UGT1A4: variants seen among roughly 807,000 people sequenced by gnomAD.
UGT1A4 encodes the protein UDP glucuronosyltransferase family 1 member A4.
Under a neutral mutation model 41.1 loss-of-function variants are expected in UGT1A4, and 32 were observed. The observed-to-expected ratio is 0.78, with a 90% CI of 0.59 to 1.05. The LOEUF is 1.05. Ranked by LOEUF, UGT1A4 falls within the 50% of genes least tolerant of loss-of-function variation. The pLI, the probability that UGT1A4 is intolerant of heterozygous loss-of-function variation, is 0.00. For synonymous variants in UGT1A4, 283 were observed against 265.1 expected (o/e 1.07, Z -0.66); for missense variants, 748 against 677.4 (o/e 1.10, Z -1.16).
chr2:233,772,831 T>TCACACAAGAAAG lies in UGT1A4; in HGVS notation c.*273_*274insACACAAGAAAGC. 2 of 893,952 alleles carry TCACACAAGAAAG rather than the reference T, an allele frequency of 2.2e-6. No individual in the cohort carries two copies. Among genetic ancestry groups the TCACACAAGAAAG allele is most frequent in the Non-Finnish European group, 3.1e-6 (2 of 642,656 alleles). 55.4% of individuals were successfully genotyped at this position (893,952 alleles called of 1,614,324 possible). A position where few individuals can be genotyped will look rare whatever the true frequency, so the allele number is the denominator to read the frequency against. On this transcript the variant is annotated 3_prime_UTR_variant, in exon 5 of 5. Transcript: ENST00000373409. ...AGAGGACGTGCAGACAGGCTGGCAT[T>TCACACAAGAAAG]CTAGATTACTTTTCTTACTCTGAAA...
At chr2:233,729,480 C>G in intron 1 of UGT1A4, 1 of 1,614,164 alleles carries the variant, frequency 6.2e-7, no homozygotes, top group South Asian at 1.1e-5. Context: ...CAATGTTGAA[C>G]AATATGTCTT....
At chr2:233,747,891 C>G (rs562741642) in intron 1 of UGT1A4, 201 of 1,612,980 alleles carry the variant, frequency 1.2e-4, no homozygotes, top group East Asian at 4.9e-4. Context: ...TTGCCATGCT[C>G]TTTCTGCTCC....
intron 1 of UGT1A4, among the ~76,000 whole-genome samples, chr2:233,719,930 G>C (rs904855): frequency 0.08 from 12,193 of 152,230 alleles, 624 homozygotes; most frequent in East Asian, 0.2. Flanking sequence ...CTCACGGACA[G>C]TGTTTGTAAA....
intron 1 of UGT1A4, among the ~76,000 whole-genome samples, chr2:233,725,945 T>C (rs1167076950): frequency 1.3e-5 from 2 of 152,170 alleles, no homozygotes; most frequent in Non-Finnish European, 2.9e-5. Flanking sequence ...GCAGGAGGAT[T>C]GTTTGAGCCC....
chr2:233,740,631 C>G (rs1198172888), intron 1 of UGT1A4: 1 of 151,760 alleles, frequency 6.6e-6, no homozygotes, highest in East Asian at 1.9e-4. Context: ...CAGGGTCATG[C>G]CTTTCCTTGC....
chr2:233,739,902 C>T (rs1181002925), intron 1 of UGT1A4, among the ~76,000 whole-genome samples: 2 of 151,866 alleles, frequency 1.3e-5, no homozygotes, highest in Non-Finnish European at 2.9e-5. Context: ...AATCTCATCT[C>T]ATATTGTAAT....
intron 1 of UGT1A4, among the ~76,000 whole-genome samples, chr2:233,753,945 C>T (rs1389059765): frequency 1.3e-5 from 2 of 152,168 alleles, no homozygotes; most frequent in Non-Finnish European, 2.9e-5. Context: ...AAATGTATGA[C>T]CTCCAAAATA....
intron 1 of UGT1A4, among the ~76,000 whole-genome samples, chr2:233,749,225 A>G (rs1694145904): frequency 6.6e-6 from 1 of 151,808 alleles, no homozygotes; most frequent in Non-Finnish European, 1.5e-5. Context: ...TCTAAGCTTC[A>G]TTTTTTAAAA....
At chr2:233,729,119 C>T in intron 1 of UGT1A4, 2 of 1,613,028 alleles carry the variant, frequency 1.2e-6, no homozygotes, top group East Asian at 2.2e-5. Context: ...TCCGTGTCTT[C>T]TGCTGAGATG....
intron 1 of UGT1A4, among the ~76,000 whole-genome samples, chr2:233,735,286 T>C (rs1434598699): frequency 2.0e-5 from 3 of 152,196 alleles, no homozygotes; most frequent in African/African-American, 7.2e-5. Flanking sequence ...CTTTGTCTCT[T>C]TTGATTTTTG....
At chr2:233,771,209 T>A (rs1015017621) in intron 4 of UGT1A4, 1 of 152,162 alleles carries the variant, frequency 6.6e-6, no homozygotes. Context: ...TGGACAAATA[T>A]CCAAACTGTA....
chr2:233,765,890 G>A lies in UGT1A4; in HGVS notation c.868-1144G>A, dbSNP rs114846960. ...CGGGAGGGGCTCACTTTCTCAGTGC[G>A]CCACTGCTCAAACCTCTAGGGGAGC... On this transcript the variant is annotated intron_variant, in intron 1 of 4. Coordinates refer to ENST00000373409, the MANE Select transcript of UGT1A4 (RefSeq NM_007120.3). Among the ~76,000 whole-genome samples, 153 of 152,130 alleles carry A rather than the reference G, an allele frequency of 1.0e-3. 1 individual carries two copies. The highest frequency in any genetic ancestry group is 3.4e-3 in the African/African-American group (143 of 41,508).
chr2:233,740,376 T>C lies in UGT1A4; in HGVS notation c.867+20689T>C, dbSNP rs543256832. On this transcript the variant is annotated intron_variant, in intron 1 of 4. Coordinates refer to ENST00000373409, the MANE Select transcript of UGT1A4 (RefSeq NM_007120.3). Reference sequence around the variant, plus strand: ...AATTAGAAATTCCTAGAAAGGTAAGTTGTTGTGTGAATTATTTCCCAAAAT... The same window carrying C: ...AATTAGAAATTCCTAGAAAGGTAAGCTGTTGTGTGAATTATTTCCCAAAAT... 9.3e-4 allele frequency among the ~76,000 whole-genome samples: 142 copies of C among 151,968 alleles called. No homozygotes were observed. In the South Asian group the frequency reaches 0.011, roughly 12 times the overall value.
intron 1 of UGT1A4, among the ~76,000 whole-genome samples, chr2:233,766,497 A>T (rs906652149): frequency 3.9e-5 from 6 of 152,128 alleles, no homozygotes; most frequent in Admixed American, 3.9e-4. Context: ...GTGGCAGGCC[A>T]GGGTGGTTTT....
rs554048784 is a variant in UGT1A4, at chr2:233,732,559, A to G, written c.867+12872A>G. ...TTTTCCCAGCACCATTTATTAAATA[A>G]GGAATCCTTTCCCCATTGCTTGTTT... On this transcript the variant is annotated intron_variant, in intron 1 of 4. Coordinates refer to ENST00000373409, the MANE Select transcript of UGT1A4 (RefSeq NM_007120.3). Among the ~76,000 whole-genome samples the G allele has an allele frequency of 2.5e-3, 374 of 152,298 alleles. 2 individuals are homozygous for G. The highest frequency in any genetic ancestry group is 8.6e-3 in the African/African-American group (358 of 41,564).
intron 1 of UGT1A4, among the ~76,000 whole-genome samples, chr2:233,721,312 C>T (rs966115699): frequency 1.3e-5 from 2 of 152,056 alleles, no homozygotes; most frequent in Admixed American, 6.5e-5. Context: ...GTGATTGTGG[C>T]TCTTTTCTTG....
chr2:233,744,926 T>C (rs1381342735), intron 1 of UGT1A4, among the ~76,000 whole-genome samples: 2 of 151,890 alleles, frequency 1.3e-5, no homozygotes, highest in East Asian at 1.9e-4. Context: ...GCTCCTTTTA[T>C]AAAATGACAC....
At chr2:233,760,913 G>A (rs747662045) in intron 1 of UGT1A4, 10 of 1,614,168 alleles carry the variant, frequency 6.2e-6, no homozygotes, top group South Asian at 4.4e-5. Flanking sequence ...TTCCTGCAGC[G>A]GGTGAAGAAC....
At chr2:233,726,988 C>A (rs926323067) in intron 1 of UGT1A4, among the ~76,000 whole-genome samples, 1 of 152,120 alleles carries the variant, frequency 6.6e-6, no homozygotes, top group Non-Finnish European at 1.5e-5. Context: ...TGATGAGGTT[C>A]TTTCTAGCAA....
Sources: allele counts gnomAD v4.1 joint callset (sites outside exome capture counted in the v4.1 genomes callset), GRCh38; gene constraint gnomAD v4.1.1; transcripts MANE v1.5; gene names NCBI Gene and HGNC (gene_info 2026-07-23, HGNC 2026-07-21).